DPYSL5: variants seen among roughly 807,000 people sequenced by gnomAD.
The protein encoded by DPYSL5 is dihydropyrimidinase-related protein 5.
DPYSL5 carries 9 observed loss-of-function variants against 58.4 expected under a neutral mutation model. The observed-to-expected ratio is 0.15, with a 90% confidence interval of 0.09 to 0.27. DPYSL5 has a LOEUF of 0.27. Ranked by LOEUF, DPYSL5 falls within the 10% of genes least tolerant of loss-of-function variation. The pLI is 1.00. For missense variants in DPYSL5, 499 were observed against 770.6 expected (o/e 0.65, Z 4.17); for synonymous variants, 293 against 301.9 (o/e 0.97, Z 0.31).
intron 1 of DPYSL5, among the ~76,000 whole-genome samples, chr2:26,869,099 G>A (rs1342743961): frequency 6.6e-6 from 1 of 151,998 alleles, no homozygotes; most frequent in Non-Finnish European, 1.5e-5. Context: ...TGAGTAGCTG[G>A]GACTATGGGT....
intron 1 of DPYSL5, among the ~76,000 whole-genome samples, chr2:26,892,795 A>AGAGAGAGAGAGAGAGAGAGAG (rs1553316855): frequency 4.8e-5 from 4 of 83,718 alleles, no homozygotes; most frequent in Admixed American, 1.4e-4. Context: ...GAGAGAGAGA[A>AGAGAGAGAGAGAGAGAGAGAG]TGCATCTCAG....
At chr2:26,852,193 C>T (rs1351822711) in intron 1 of DPYSL5, among the ~76,000 whole-genome samples, 1 of 152,206 alleles carries the variant, frequency 6.6e-6, no homozygotes, top group East Asian at 1.9e-4. Context: ...TCTTTGTCAA[C>T]ATGAAGTCCT....
rs1469831204 is a variant in DPYSL5 at position 26,898,161 on chromosome 2, G to A, written c.-4-335G>A. Among the ~76,000 whole-genome samples the A allele has an allele frequency of 2.6e-5, 4 of 152,144 alleles. No homozygotes were observed. The highest frequency in any genetic ancestry group is 9.7e-5 in the African/African-American group (4 of 41,422). The stretch of plus-strand genomic sequence containing the variant: ...TCTGTAAAATGCCTTGGGTTGTTTT[G>A]GGGATAGTAGAGATATGAGAAATGA... On this transcript the variant is annotated intron_variant, in intron 1 of 12. Coordinates refer to ENST00000288699, the MANE Select transcript of DPYSL5 (RefSeq NM_020134.4). The surrounding 1 kb of genome is among the most constrained non-coding windows in gnomAD (Gnocchi z 6.1).
chr2:26,866,520 TTC>T (rs1666144871), intron 1 of DPYSL5, among the ~76,000 whole-genome samples: 1 of 152,092 alleles, frequency 6.6e-6, no homozygotes, highest in Admixed American at 6.6e-5. Context: ...TTGTTATTTT[TTC>T]TTTCTTTGTT....
At chr2:26,897,187 G>T (rs1481328007) in intron 1 of DPYSL5, among the ~76,000 whole-genome samples, 1 of 152,106 alleles carries the variant, frequency 6.6e-6, no homozygotes, top group African/African-American at 2.4e-5. Context: ...TATAGTGCTG[G>T]CTAGAATAAC....
intron 2 of DPYSL5, among the ~76,000 whole-genome samples, chr2:26,922,519 C>T (rs1475012100): frequency 6.6e-6 from 1 of 152,210 alleles, no homozygotes; most frequent in African/African-American, 2.4e-5. Context: ...TCTCCTCTTG[C>T]CCTGGGACCC....
Position 26,934,795 on chromosome 2 carries a change from G to A in DPYSL5, c.947+61G>A, listed in dbSNP as rs1665129846. ...ACATCTTTAGGAAGACGTCATAGAG[G>A]GCCCAGGAAACAAATCTGAGCTAGG... On this transcript the variant is annotated intron_variant, in intron 8 of 12. Coordinates refer to ENST00000288699, the MANE Select transcript of DPYSL5 (RefSeq NM_020134.4). The surrounding 1 kb of genome is among the most constrained non-coding windows in gnomAD (Gnocchi z 4.3). 3.2e-6 allele frequency: 5 copies of A among 1,582,460 alleles called. No individual in the cohort carries two copies. The highest frequency in any genetic ancestry group is 2.3e-5 in the South Asian group (2 of 86,630).
At chr2:26,862,356 A>G (rs760778728) in intron 1 of DPYSL5, among the ~76,000 whole-genome samples, 3 of 152,274 alleles carry the variant, frequency 2.0e-5, no homozygotes, top group Admixed American at 1.3e-4. Flanking sequence ...TGTATCTCAC[A>G]ATAATTGCCT....
In DPYSL5 at chr2:26,944,662, A is replaced by C; in HGVS notation, c.1447A>C (p.Lys483Gln). 6.2e-7 allele frequency: 1 copy of C among 1,613,562 alleles called. No individual in the cohort carries two copies. Among genetic ancestry groups the C allele is most frequent in the Non-Finnish European group, 8.5e-7 (1 of 1,179,776 alleles). Reference sequence around the variant, plus strand: ...TTCTTCCATCCTTCCCTAGACTTTAAAGGTTAGAGGAGTGGACCGCACTCC... The same window carrying C: ...TTCTTCCATCCTTCCCTAGACTTTACAGGTTAGAGGAGTGGACCGCACTCC... The part of the protein sequence containing the change: ...KKLVQREKTL[K>Q]VRGVDRTPYL... The change falls in exon 12 of 13, where the codon AAG becomes CAG. Residue 483 changes from lysine to glutamine, a missense_variant. Lys to Gln is a moderately conservative substitution (Grantham distance 53, BLOSUM62 1). Coordinates refer to ENST00000288699, the MANE Select transcript of DPYSL5 (RefSeq NM_020134.4). The surrounding 1 kb of genome is among the most constrained non-coding windows in gnomAD (Gnocchi z 4.4).
At chr2:26,907,833 C>T (rs950041684) in intron 2 of DPYSL5, among the ~76,000 whole-genome samples, 2 of 152,188 alleles carry the variant, frequency 1.3e-5, no homozygotes, top group Admixed American at 1.3e-4. Flanking sequence ...TGTTTCTCAA[C>T]AAGATTGAAG....
At chr2:26,852,909 A>G (rs1665792159) in intron 1 of DPYSL5, among the ~76,000 whole-genome samples, 1 of 152,202 alleles carries the variant, frequency 6.6e-6, no homozygotes, top group Non-Finnish European at 1.5e-5. Context: ...CACCATCAGC[A>G]GCAGCATCAT....
intron 8 of DPYSL5, chr2:26,938,765 G>A (rs943087868): frequency 2.0e-5 from 3 of 152,174 alleles, no homozygotes; most frequent in African/African-American, 7.2e-5. Flanking sequence ...AAGGCTCTGG[G>A]GCCTCTTACA....
chr2:26,876,578 T>C (rs541665444), intron 1 of DPYSL5, among the ~76,000 whole-genome samples: 1 of 152,276 alleles, frequency 6.6e-6, no homozygotes, highest in South Asian at 2.1e-4. Flanking sequence ...CGCAATGGTA[T>C]GATCTTGGCT....
At chr2:26,928,730 C>T (rs536283025) in intron 5 of DPYSL5, among the ~76,000 whole-genome samples, 1,529 of 81,260 alleles carry the variant, frequency 0.019, 305 homozygotes, top group African/African-American at 0.036. Flanking sequence ...CATATATATA[C>T]GCACACACAC....
chr2:26,939,944 C>A (rs1665273262), intron 8 of DPYSL5, 87 bp from the exon 9 acceptor site: 1 of 1,560,844 alleles, frequency 6.4e-7, no homozygotes, highest in Admixed American at 1.7e-5. Flanking sequence ...CTGCTTCCCA[C>A]ACGGAGGATT....
rs888134843 is a variant in DPYSL5 at position 26,944,584 on chromosome 2, G to A, written c.1441-72G>A. The A allele has an allele frequency of 3.5e-5, 53 of 1,534,894 alleles. No individual in the cohort carries two copies. Among genetic ancestry groups the A allele is most frequent in the Admixed American group, 1.1e-4 (6 of 52,682 alleles). On this transcript the variant is annotated intron_variant, in intron 11 of 12. Coordinates refer to ENST00000288699, the MANE Select transcript of DPYSL5 (RefSeq NM_020134.4). The surrounding 1 kb of genome is among the most constrained non-coding windows in gnomAD (Gnocchi z 4.4). ...GTCTAATGTCCCACCGGCCCCCAGG[G>A]AGGCCATGGTTGTATCACTCAGCTC... is the stretch of plus-strand genomic sequence containing the variant.
At chr2:26,911,403 C>T (rs1466849639) in intron 2 of DPYSL5, among the ~76,000 whole-genome samples, 1 of 152,188 alleles carries the variant, frequency 6.6e-6, no homozygotes, top group Non-Finnish European at 1.5e-5. Context: ...ATGCATTAAC[C>T]AAGCACTTGA....
chr2:26,912,917 C>T (rs938272309), intron 2 of DPYSL5, among the ~76,000 whole-genome samples: 2 of 152,156 alleles, frequency 1.3e-5, no homozygotes, highest in Non-Finnish European at 2.9e-5. Context: ...AATCTTGGAG[C>T]TGGGGAGCCC....
chr2:26,862,582 T>C (rs924005189), intron 1 of DPYSL5, among the ~76,000 whole-genome samples: 4 of 152,098 alleles, frequency 2.6e-5, no homozygotes, highest in African/African-American at 9.7e-5. Flanking sequence ...AGCCATTGCA[T>C]GTTTGTTGAT....
Sources: allele counts gnomAD v4.1 joint callset (sites outside exome capture counted in the v4.1 genomes callset), GRCh38; gene constraint gnomAD v4.1.1; non-coding constraint Gnocchi (gnomAD v3.1); transcripts MANE v1.5; gene names NCBI Gene and HGNC (gene_info 2026-07-23, HGNC 2026-07-21).